The following MAP2K6 variants were observed in gnomAD, a reference collection of about 807,000 sequenced individuals.
MAP2K6 encodes the protein dual specificity mitogen-activated protein kinase kinase 6.
In MAP2K6, 16 loss-of-function variants were observed where a neutral mutation model predicts 53.7. The ratio of observed to expected loss-of-function variants is 0.30; its 90% confidence interval spans 0.20 to 0.45. MAP2K6 has a LOEUF of 0.45. Among genes scored for constraint, MAP2K6 ranks in the 20% least tolerant of loss-of-function variants. MAP2K6 has a pLI of 1.00. For synonymous variants in MAP2K6, 132 were observed against 143.1 expected, an observed-to-expected ratio of 0.92 and a Z score of 0.55; for missense variants, 204 against 411.9, an observed-to-expected ratio of 0.50 and a Z score of 4.37.
At chr17:69,415,197 G>A (rs1905859123) in intron 1 of MAP2K6, among the ~76,000 whole-genome samples, 197 bp downstream of exon 1, 1 of 152,128 alleles carries the variant, frequency 6.6e-6, no homozygotes, top group Non-Finnish European at 1.5e-5. Context: ...CAGTTCAGCT[G>A]TGCATTGACG....
At chr17:69,440,901 G>T (rs1906794906) in intron 1 of MAP2K6, among the ~76,000 whole-genome samples, 1 of 152,074 alleles carries the variant, frequency 6.6e-6, no homozygotes, top group Non-Finnish European at 1.5e-5. Flanking sequence ...TGGTTACTAT[G>T]ATATGTTTTC....
chr17:69,531,719 T>G (rs1911094438), intron 10 of MAP2K6, among the ~76,000 whole-genome samples: 1 of 152,190 alleles, frequency 6.6e-6, no homozygotes, highest in Admixed American at 6.5e-5. Context: ...AAACCCTTCT[T>G]TTCTGTATTT....
chr17:69,464,402 TGTCCAGGCTGGAGTTCGA>T (rs1307454435), intron 1 of MAP2K6, among the ~76,000 whole-genome samples: 29 of 152,120 alleles, frequency 1.9e-4, no homozygotes, highest in Non-Finnish European at 4.0e-4. Context: ...CTTGCTCTTT[TGTCCAGGCTGGAGTTCGA>T]GTCCAGGCTG....
rs1310650975 is a variant in MAP2K6 at position 69,494,700 on chromosome 17, G to A, written c.17-11080G>A. Among the ~76,000 whole-genome samples the A allele has an allele frequency of 6.6e-6, 1 of 151,544 alleles. No homozygotes were observed. Among genetic ancestry groups the A allele is most frequent in the African/African-American group, 2.4e-5 (1 of 41,210 alleles). The stretch of plus-strand genomic sequence containing the variant: ...AGTTTCCTTTGGTTAAAAGGGAGGT[G>A]ATCAGAGTGCTATTAAAATTGTGGG... On this transcript the variant is annotated intron_variant, in intron 1 of 11. Coordinates refer to ENST00000590474, the MANE Select transcript of MAP2K6 (RefSeq NM_002758.4). The surrounding 1 kb of genome is among the most constrained non-coding windows in gnomAD (Gnocchi z 4.2).
chr17:69,502,700 G>A (rs1909231046), intron 1 of MAP2K6: 1 of 985,556 alleles, frequency 1.0e-6, no homozygotes, highest in Middle Eastern at 5.2e-4. Context: ...GAATGATGTT[G>A]ATGTGGGGGG....
chr17:69,436,832 TA>T (rs751404343), intron 1 of MAP2K6, among the ~76,000 whole-genome samples: 21 of 150,948 alleles, frequency 1.4e-4, no homozygotes, highest in African/African-American at 1.7e-4. Flanking sequence ...TTTATTTATT[TA>T]TTTTTTTAGA....
intron 8 of MAP2K6, among the ~76,000 whole-genome samples, chr17:69,524,189 T>C (rs1910641694): frequency 1.3e-5 from 2 of 151,986 alleles, no homozygotes. Flanking sequence ...GTTATATATA[T>C]ATTACTTTAA....
chr17:69,432,313 A>G (rs981820978), intron 1 of MAP2K6, among the ~76,000 whole-genome samples: 1 of 152,210 alleles, frequency 6.6e-6, no homozygotes, highest in African/African-American at 2.4e-5. Flanking sequence ...TATATACCCA[A>G]AGGAATATAA....
rs114544861 is a variant in MAP2K6 at position 69,504,808 on chromosome 17, C to G, written c.17-972C>G. The stretch of plus-strand genomic sequence containing the variant: ...GTGTGATCAACATCAAGTTACCTTT[C>G]CATTTGGCCCAAGAAGAAGTTATAA... On this transcript the variant is annotated intron_variant, in intron 1 of 11. Transcript: ENST00000590474. Among the ~76,000 whole-genome samples, 535 of 152,256 alleles carry G rather than the reference C, an allele frequency of 3.5e-3. 1 individual carries two copies. Among genetic ancestry groups the G allele is most frequent in the African/African-American group, 0.012 (513 of 41,542 alleles).
rs1330531382 is a variant in MAP2K6 at position 69,414,844 on chromosome 17, T to G, written c.-141T>G. ...TCCATCTTGATTCCCTGAAAGTCCATCTGCTGCATCGGTCAAGAGAAACTC... is the reference window on the plus strand; with the variant it reads ...TCCATCTTGATTCCCTGAAAGTCCAGCTGCTGCATCGGTCAAGAGAAACTC... On this transcript the variant is annotated 5_prime_UTR_variant, in exon 1 of 12. Coordinates refer to ENST00000590474, the MANE Select transcript of MAP2K6 (RefSeq NM_002758.4). The G allele has an allele frequency of 2.8e-6, 2 of 707,664 alleles. No individual in the cohort carries two copies. Among genetic ancestry groups the G allele is most frequent in the African/African-American group, 3.6e-5 (2 of 56,052 alleles). The allele number at this position is 707,664 out of a possible 1,614,324, so 43.8% of individuals were successfully genotyped here.
chr17:69,504,489 A>G (rs1351305951), intron 1 of MAP2K6: 1 of 152,110 alleles, frequency 6.6e-6, no homozygotes, highest in Non-Finnish European at 1.5e-5. Context: ...GTCGGCCAGG[A>G]TGGTCTCCAT....
chr17:69,548,878 T>C lies in MAP2K6; in HGVS notation c.*7125T>C, dbSNP rs533785685. 3.3e-5 allele frequency: 5 copies of C among 152,326 alleles called. No individual in the cohort carries two copies. The highest frequency in any genetic ancestry group is 1.2e-4 in the African/African-American group (5 of 41,580). The allele number at this position is 152,326 out of a possible 1,614,324, so 9.4% of individuals were successfully genotyped here. On this transcript the variant is annotated 3_prime_UTR_variant, in exon 12 of 12. Transcript: ENST00000590474. ...AATCTTTTCAGTTTCTGACCCAGATTTCTTTTTCAAGCAAAACTCCTCTGA... is the reference window on the plus strand; with the variant it reads ...AATCTTTTCAGTTTCTGACCCAGATCTCTTTTTCAAGCAAAACTCCTCTGA...
At chr17:69,459,677 A>T (rs1043305275) in intron 1 of MAP2K6, among the ~76,000 whole-genome samples, 1 of 123,944 alleles carries the variant, frequency 8.1e-6, no homozygotes, top group African/African-American at 3.2e-5. Context: ...GCACCACTGC[A>T]CTCCAGCCCG....
chr17:69,502,376 T>C, intron 1 of MAP2K6: 4 of 985,494 alleles, frequency 4.1e-6, no homozygotes, highest in Non-Finnish European at 4.8e-6. Flanking sequence ...CAGAGTCGCC[T>C]CTGCTGGTCT....
intron 1 of MAP2K6, among the ~76,000 whole-genome samples, chr17:69,460,215 C>T (rs1221216769): frequency 6.6e-6 from 1 of 152,136 alleles, no homozygotes; most frequent in African/African-American, 2.4e-5. Context: ...GATTGCTAAA[C>T]ATACTGGGAA....
At chr17:69,502,509 T>G (rs1909220727) in intron 1 of MAP2K6, 4 of 985,484 alleles carry the variant, frequency 4.1e-6, no homozygotes, top group Non-Finnish European at 4.8e-6. Context: ...AACACTGTAA[T>G]TCAACTAGGT....
chr17:69,494,935 G>A lies in MAP2K6; in HGVS notation c.17-10845G>A, dbSNP rs2145206774. Among the ~76,000 whole-genome samples the A allele has an allele frequency of 6.6e-6, 1 of 151,968 alleles. No individual in the cohort carries two copies. Among genetic ancestry groups the A allele is most frequent in the East Asian group, 2.0e-4 (1 of 5,118 alleles). On this transcript the variant is annotated intron_variant, in intron 1 of 11. Transcript: ENST00000590474. This position sits in a 1 kb window ranked among gnomAD's most constrained non-coding sequence, Gnocchi z 4.2. ...TAGGAGCATCGCTTGAACCTGGGAG[G>A]TGGAGGTTGCCGTGAGCCGAGATCG...
chr17:69,511,130 T>C (rs969441861), intron 2 of MAP2K6, among the ~76,000 whole-genome samples: 3 of 152,168 alleles, frequency 2.0e-5, no homozygotes, highest in African/African-American at 7.2e-5. Context: ...CCTTTCTTGG[T>C]ATAAACAAGG....
At chr17:69,473,094 TA>T (rs1908035481) in intron 1 of MAP2K6, among the ~76,000 whole-genome samples, 2 of 152,240 alleles carry the variant, frequency 1.3e-5, no homozygotes, top group African/African-American at 2.4e-5. Context: ...GAAATCTGGT[TA>T]TTTTTTGTGA....
Sources: gnomAD v4.1 joint callset for allele counts (sites outside exome capture counted in the v4.1 genomes callset) on GRCh38, gnomAD v4.1.1 for gene constraint, Gnocchi (gnomAD v3.1) non-coding constraint, MANE v1.5 for transcripts, NCBI Gene and HGNC (gene_info 2026-07-23, HGNC 2026-07-21) for gene names.